Variants in SNTG1 observed in about 807,000 individuals in gnomAD.
SNTG1 encodes gamma-1-syntrophin.
In SNTG1, 39 loss-of-function variants were observed where a neutral mutation model predicts 74.7. The observed-to-expected ratio is 0.52, with a 90% CI of 0.40 to 0.68. The LOEUF is 0.68. SNTG1 is among the 30% of genes least tolerant of loss of function. The pLI is 0.00. For missense variants in SNTG1, 685 were observed against 609.5 expected (o/e 1.12, Z -1.30); for synonymous variants, 254 against 217.1 (o/e 1.17, Z -1.49).
At chr8:49,983,301 T>C (rs769255341) in intron 1 of SNTG1, among the ~76,000 whole-genome samples, 20 of 152,198 alleles carry the variant, frequency 1.3e-4, no homozygotes, top group Non-Finnish European at 2.5e-4. Flanking sequence ...TTTAGAGAAT[T>C]TGAAGCAAAA....
chr8:50,265,686 AT>A (rs1477721238), intron 2 of SNTG1, among the ~76,000 whole-genome samples: 5 of 152,060 alleles, frequency 3.3e-5, no homozygotes, highest in African/African-American at 1.2e-4. Context: ...AGCTATTTTT[AT>A]TTTCAGATGG....
At chr8:50,058,344 A>C (rs760538192) in intron 1 of SNTG1, among the ~76,000 whole-genome samples, 7 of 152,184 alleles carry the variant, frequency 4.6e-5, no homozygotes, top group Non-Finnish European at 8.8e-5. Context: ...AATCCCGATC[A>C]GTGGTTTCTA....
chr8:50,450,786 T>C (rs1222210364), intron 8 of SNTG1, 57 bp downstream of exon 8: 18 of 1,535,766 alleles, frequency 1.2e-5, no homozygotes, highest in Non-Finnish European at 1.5e-5. Context: ...AAGAATTTAG[T>C]GCATTGCTAA....
At chr8:50,676,083 C>T (rs560554082) in intron 15 of SNTG1, among the ~76,000 whole-genome samples, 5 of 151,958 alleles carry the variant, frequency 3.3e-5, no homozygotes, top group Non-Finnish European at 7.4e-5. Flanking sequence ...TCATTTCAAC[C>T]TTGGAAAATC....
intron 2 of SNTG1, among the ~76,000 whole-genome samples, chr8:50,334,576 C>G (rs2091077403): frequency 6.6e-6 from 1 of 151,504 alleles, no homozygotes; most frequent in African/African-American, 2.4e-5. Context: ...CTCATTTTAC[C>G]TTATTTCTGT....
intron 2 of SNTG1, among the ~76,000 whole-genome samples, chr8:50,180,553 G>C (rs1339684163): frequency 1.3e-5 from 2 of 152,046 alleles, no homozygotes; most frequent in African/African-American, 4.8e-5. Flanking sequence ...TATTCTATGT[G>C]AATTTTACCT....
intron 2 of SNTG1, among the ~76,000 whole-genome samples, chr8:50,245,722 G>A (rs987345826): frequency 6.6e-6 from 1 of 151,956 alleles, no homozygotes; most frequent in African/African-American, 2.4e-5. Flanking sequence ...ACAAAAAAAG[G>A]ATGTAAAATA....
At chr8:50,305,840 A>T (rs76160713) in intron 2 of SNTG1, among the ~76,000 whole-genome samples, 10,506 of 151,586 alleles carry the variant, frequency 0.069, 407 homozygotes, top group African/African-American at 0.085. Context: ...AGTAGCTCCA[A>T]TTTACATTTA....
chr8:50,513,310 G>T (rs146157083), intron 9 of SNTG1, among the ~76,000 whole-genome samples: 15 of 152,128 alleles, frequency 9.9e-5, no homozygotes, highest in Admixed American at 6.5e-5. Context: ...GCCGTGTGAG[G>T]TGTCAGTCTG....
chr8:50,224,040 G>A (rs919696741), intron 2 of SNTG1, among the ~76,000 whole-genome samples: 9 of 151,848 alleles, frequency 5.9e-5, no homozygotes, highest in African/African-American at 1.9e-4. Context: ...CTTTTATACA[G>A]CAGCATTATC....
intron 2 of SNTG1, among the ~76,000 whole-genome samples, chr8:50,219,872 A>G (rs1348374114): frequency 6.6e-6 from 1 of 152,206 alleles, no homozygotes; most frequent in Non-Finnish European, 1.5e-5. Flanking sequence ...ATGATAGAAA[A>G]GTAGTGAACT....
chr8:50,014,114 C>T (rs1005104011), intron 1 of SNTG1, among the ~76,000 whole-genome samples: 3 of 152,242 alleles, frequency 2.0e-5, no homozygotes, highest in East Asian at 1.9e-4. Context: ...CCCATCCTTT[C>T]CACCACACAC....
intron 13 of SNTG1, among the ~76,000 whole-genome samples, chr8:50,592,579 A>C (rs1227441036): frequency 6.6e-6 from 1 of 152,190 alleles, no homozygotes; most frequent in Non-Finnish European, 1.5e-5. Context: ...ATTTGAATAA[A>C]TCACACATAG....
At chr8:50,115,332 C>T (rs1347166434) in intron 1 of SNTG1, among the ~76,000 whole-genome samples, 8 of 151,590 alleles carry the variant, frequency 5.3e-5, no homozygotes, top group Non-Finnish European at 7.4e-5. Flanking sequence ...TTTGGGAGGC[C>T]GAGGTGGGTG....
intron 5 of SNTG1, among the ~76,000 whole-genome samples, chr8:50,447,644 T>C (rs1225416734): frequency 2.0e-5 from 3 of 152,220 alleles, no homozygotes; most frequent in Non-Finnish European, 2.9e-5. Flanking sequence ...CAGACATTAT[T>C]CCAGGCACTG....
At chr8:50,073,511 A>G (rs957731475) in intron 1 of SNTG1, among the ~76,000 whole-genome samples, 4 of 152,142 alleles carry the variant, frequency 2.6e-5, no homozygotes, top group African/African-American at 4.8e-5. Context: ...CATTGTTGAA[A>G]TTTTGACCTC....
At chr8:50,215,664 T>G (rs2084754008) in intron 2 of SNTG1, among the ~76,000 whole-genome samples, 1 of 151,904 alleles carries the variant, frequency 6.6e-6, no homozygotes, top group Non-Finnish European at 1.5e-5. Flanking sequence ...GAGAAACTGT[T>G]GAACTCTAGG....
intron 18 of SNTG1, among the ~76,000 whole-genome samples, chr8:50,770,878 C>T (rs1307859315): frequency 6.6e-6 from 1 of 152,080 alleles, no homozygotes; most frequent in Non-Finnish European, 1.5e-5. Flanking sequence ...TTTGCATATT[C>T]CCACTTCACT....
intron 15 of SNTG1, among the ~76,000 whole-genome samples, chr8:50,699,386 A>G (rs7009493): frequency 6.6e-6 from 1 of 152,070 alleles, no homozygotes; most frequent in Non-Finnish European, 1.5e-5. Context: ...GCCCTTTGGT[A>G]TAGTGAGTTT....
Sources: gnomAD v4.1 joint callset for allele counts (sites outside exome capture counted in the v4.1 genomes callset) on GRCh38, gnomAD v4.1.1 for gene constraint, MANE v1.5 for transcripts, NCBI Gene and HGNC (gene_info 2026-07-23, HGNC 2026-07-21) for gene names.